The following NFIA variants were observed in gnomAD, a reference collection of about 807,000 sequenced individuals.
NFIA encodes nuclear factor I A.
Under a neutral mutation model 62.8 loss-of-function variants are expected in NFIA, and 8 were observed. The ratio of observed to expected loss-of-function variants is 0.13; its 90% CI spans 0.07 to 0.23. NFIA has a LOEUF of 0.23. NFIA is among the 10% of genes least tolerant of loss of function. NFIA has a pLI of 1.00. For missense variants in NFIA, 410 were observed against 642.1 expected (o/e 0.64, Z 3.91); for synonymous variants, 235 against 238.1 (o/e 0.99, Z 0.12).
chr1:61,089,583 C>T (rs1008091405), intron 2 of NFIA, among the ~76,000 whole-genome samples: 2 of 151,584 alleles, frequency 1.3e-5, no homozygotes, highest in Non-Finnish European at 2.9e-5. Context: ...ATGTACATAT[C>T]GGTCTTGCTA....
chr1:61,146,541 G>T (rs1648000562), intron 2 of NFIA, among the ~76,000 whole-genome samples: 1 of 152,094 alleles, frequency 6.6e-6, no homozygotes, highest in Non-Finnish European at 1.5e-5. Context: ...CTTAATAATT[G>T]CTCTCTGTTC....
At chr1:61,220,073 A>T (rs992734442) in intron 2 of NFIA, among the ~76,000 whole-genome samples, 1 of 152,220 alleles carries the variant, frequency 6.6e-6, no homozygotes, top group African/African-American at 2.4e-5. Flanking sequence ...AATGATAGGG[A>T]GGCATGTTTT....
intron 10 of NFIA, among the ~76,000 whole-genome samples, chr1:61,447,054 C>A (rs570604994): frequency 6.6e-6 from 1 of 152,052 alleles, no homozygotes; most frequent in South Asian, 2.1e-4. Flanking sequence ...AGAAAACATA[C>A]ATTTTTTCAT....
chr1:61,275,493 AACTAT>A (rs1388989734), intron 2 of NFIA, among the ~76,000 whole-genome samples: 3 of 152,332 alleles, frequency 2.0e-5, no homozygotes, highest in South Asian at 4.1e-4. Context: ...ATTGAGATAA[AACTAT>A]TTTCCATTTA....
chr1:61,141,137 A>C (rs72664839), intron 2 of NFIA, among the ~76,000 whole-genome samples: 7 of 152,036 alleles, frequency 4.6e-5, no homozygotes, highest in Non-Finnish European at 1.0e-4. Flanking sequence ...GACCTCAGTA[A>C]CAAGCTTAAA....
At chr1:61,288,075 T>C (rs1439528444) in intron 3 of NFIA, among the ~76,000 whole-genome samples, 1 of 152,180 alleles carries the variant, frequency 6.6e-6, no homozygotes, top group East Asian at 1.9e-4. Flanking sequence ...AGGTACAATA[T>C]AATAGTTGAG....
chr1:61,148,866 C>T (rs957168836), intron 2 of NFIA, among the ~76,000 whole-genome samples: 3 of 151,958 alleles, frequency 2.0e-5, no homozygotes, highest in Non-Finnish European at 4.4e-5. Context: ...GAACCATTCT[C>T]TTTCTTTTCT....
chr1:61,139,033 T>C (rs1319299552), intron 2 of NFIA, among the ~76,000 whole-genome samples: 2 of 151,648 alleles, frequency 1.3e-5, no homozygotes, highest in African/African-American at 4.8e-5. Context: ...CTGCTAAAAA[T>C]ACAAAAATTA....
upstream of NFIA, among the ~76,000 whole-genome samples, chr1:61,079,836 C>T (rs1646073985): frequency 6.6e-6 from 1 of 152,184 alleles, no homozygotes; most frequent in East Asian, 1.9e-4. Flanking sequence ...TGTTTTTTAC[C>T]CCCAGTCTGC....
chr1:61,327,505 T>C (rs1296531663), intron 3 of NFIA, among the ~76,000 whole-genome samples: 1 of 152,170 alleles, frequency 6.6e-6, no homozygotes, highest in Non-Finnish European at 1.5e-5. Context: ...AGTGAGAACA[T>C]GACGGTATTT....
intron 2 of NFIA, among the ~76,000 whole-genome samples, chr1:61,101,080 G>T (rs1225971459): frequency 2.0e-5 from 3 of 151,894 alleles, no homozygotes; most frequent in Non-Finnish European, 4.4e-5. Context: ...ACAGAAGATG[G>T]TGCAGGTGCT....
At chr1:61,081,836 C>T, upstream of NFIA, 1 of 1,498,526 alleles carries the variant, frequency 6.7e-7, no homozygotes, top group South Asian at 1.3e-5. Flanking sequence ...GAATCTATTC[C>T]CACAGAAAGC....
At chr1:61,338,737 G>A (rs1661747775) in intron 4 of NFIA, among the ~76,000 whole-genome samples, 1 of 152,194 alleles carries the variant, frequency 6.6e-6, no homozygotes, top group African/African-American at 2.4e-5. Context: ...GGAAATGGGT[G>A]TAGGATAAGA....
chr1:61,277,372 C>A, intron 2 of NFIA, 148 bp from the exon 3 acceptor site: 1 of 718,210 alleles, frequency 1.4e-6, no homozygotes. Context: ...TTTCTCTTTC[C>A]ATCTTTTCTT....
At chr1:61,150,711 A>C (rs1413165428) in intron 2 of NFIA, among the ~76,000 whole-genome samples, 2 of 152,150 alleles carry the variant, frequency 1.3e-5, no homozygotes, top group African/African-American at 4.8e-5. Context: ...GGGTGTCTGA[A>C]GCGCCTGCTT....
intron 3 of NFIA, among the ~76,000 whole-genome samples, chr1:61,314,836 G>C (rs1660287657): frequency 6.6e-6 from 1 of 152,118 alleles, no homozygotes; most frequent in African/African-American, 2.4e-5. Context: ...GGATCTTCCT[G>C]GTGTGAATCA....
intron 3 of NFIA, among the ~76,000 whole-genome samples, chr1:61,296,963 A>T (rs1557689849): frequency 6.6e-6 from 1 of 152,170 alleles, no homozygotes; most frequent in Non-Finnish European, 1.5e-5. Context: ...GGTCTGTGGT[A>T]CCTACAGAGG....
At chr1:61,081,311 C>G (rs1221581245), upstream of NFIA, among the ~76,000 whole-genome samples, 1 of 151,020 alleles carries the variant, frequency 6.6e-6, no homozygotes, top group Non-Finnish European at 1.5e-5. Flanking sequence ...ACCCTAAAAA[C>G]CACCCCCCTC....
chr1:61,406,543 G>GGCCC lies in NFIA; in HGVS notation c.1255-19_1255-18insGCCC, dbSNP rs1665830643. 8 of 877,362 alleles carry GGCCC rather than the reference G, an allele frequency of 9.1e-6. No homozygotes were observed. Among genetic ancestry groups the GGCCC allele is most frequent in the South Asian group, 2.0e-5 (1 of 49,228 alleles). 54.3% of individuals were successfully genotyped at this position (877,362 alleles called of 1,614,324 possible). A position where few individuals can be genotyped will look rare whatever the true frequency, so the allele number is the denominator to read the frequency against. On this transcript the variant is annotated intron_variant, in intron 8 of 10. Coordinates refer to ENST00000403491, the MANE Select transcript of NFIA (RefSeq NM_001134673.4). ...TCTTTTTCTTGTACGTGTGTTTTCT[G>GGCCC]CCCCCCCCCCCCCCACAGCCCAATG... is the stretch of plus-strand genomic sequence containing the variant.
Sources: gnomAD v4.1 joint callset for allele counts (sites outside exome capture counted in the v4.1 genomes callset) on GRCh38, gnomAD v4.1.1 for gene constraint, MANE v1.5 for transcripts, NCBI Gene and HGNC (gene_info 2026-07-23, HGNC 2026-07-21) for gene names.